Variants in OSBPL9 observed in about 807,000 individuals in gnomAD.
The protein encoded by OSBPL9 is oxysterol binding protein like 9.
Under a neutral mutation model 106.6 loss-of-function variants are expected in OSBPL9, and 40 were observed. The observed-to-expected ratio is 0.38, with a 90% CI of 0.29 to 0.49. The LOEUF is 0.49. OSBPL9 is among the 20% of genes least tolerant of loss of function. The pLI, the probability that OSBPL9 is intolerant of heterozygous loss-of-function variation, is 0.97. For synonymous variants in OSBPL9, 269 were observed against 295.4 expected, an observed-to-expected ratio of 0.91 and a Z score of 0.92; for missense variants, 609 against 887.2, an observed-to-expected ratio of 0.69 and a Z score of 3.98.
chr1:51,786,438 A>G, intron 21 of OSBPL9, 88 bp from the exon 22 acceptor site: 1 of 816,470 alleles, frequency 1.2e-6, no homozygotes, highest in Non-Finnish European at 2.0e-6. Context: ...GACCTAGAGA[A>G]TTTGAAGTGT....
At chr1:51,530,677 A>G in the OSBPL9 span, among the ~76,000 whole-genome samples, 1 of 151,768 alleles carries the variant, frequency 6.6e-6, no homozygotes, top group African/African-American at 2.4e-5. Context: ...AGCCTGGGTG[A>G]CAGACTGAGA....
chr1:51,666,418 T>G (rs1648527223), intron 2 of OSBPL9, among the ~76,000 whole-genome samples: 1 of 152,048 alleles, frequency 6.6e-6, no homozygotes, highest in Non-Finnish European at 1.5e-5. Context: ...CTTGGTGTTT[T>G]TAAAAATTTA....
intron 2 of OSBPL9, among the ~76,000 whole-genome samples, chr1:51,659,942 A>G (rs1192433744): frequency 2.0e-5 from 3 of 152,120 alleles, no homozygotes; most frequent in African/African-American, 7.2e-5. Context: ...AACTGAAACT[A>G]TGGTAATTAA....
chr1:51,551,542 T>C, the OSBPL9 span, among the ~76,000 whole-genome samples: 1 of 152,168 alleles, frequency 6.6e-6, no homozygotes, highest in Admixed American at 6.5e-5. Flanking sequence ...TTTAGAAATA[T>C]CTGGCATCTT....
At chr1:51,636,791 A>AAAATAAAT (rs546021685) in intron 1 of OSBPL9, among the ~76,000 whole-genome samples, 74 of 151,802 alleles carry the variant, frequency 4.9e-4, no homozygotes, top group Middle Eastern at 3.4e-3. Flanking sequence ...CTCTACTTTA[A>AAAATAAAT]AAATAAATAA....
At chr1:51,573,768 T>G (rs1450459139), upstream of OSBPL9, among the ~76,000 whole-genome samples, 1 of 149,154 alleles carries the variant, frequency 6.7e-6, no homozygotes, top group African/African-American at 2.5e-5. Context: ...GAGCCGAGAT[T>G]GCACCATTGC....
chr1:51,658,514 T>C (rs1646951809), intron 2 of OSBPL9, among the ~76,000 whole-genome samples: 1 of 152,222 alleles, frequency 6.6e-6, no homozygotes, highest in Admixed American at 6.5e-5. Flanking sequence ...CTTTGAAAAC[T>C]ATTAATCTAC....
intron 1 of OSBPL9, among the ~76,000 whole-genome samples, chr1:51,644,176 A>AAATG (rs1646000810): frequency 6.6e-6 from 1 of 151,294 alleles, no homozygotes; most frequent in Admixed American, 6.6e-5. Flanking sequence ...AGATGAGGTT[A>AAATG]AATGAAAGGT....
At chr1:51,770,468 G>A (rs774985224) in intron 12 of OSBPL9, among the ~76,000 whole-genome samples, 20 of 151,792 alleles carry the variant, frequency 1.3e-4, no homozygotes, top group Non-Finnish European at 2.5e-4. Context: ...TGTAGAGATG[G>A]GGTCTCACCA....
At position 51,746,055 on chromosome 1, in the gene OSBPL9, G is replaced by A. The variant is rs557659267; in HGVS notation, c.414+424G>A. On this transcript the variant is annotated intron_variant, in intron 5 of 23. Coordinates refer to ENST00000428468, the MANE Select transcript of OSBPL9 (RefSeq NM_024586.6). ...CAGCTCACTGCAACCTCCGCCTCCC[G>A]GGTTCAAGCAATTGTTCTTCTGCCT... Among the ~76,000 whole-genome samples, 4 of 152,188 alleles carry A rather than the reference G, an allele frequency of 2.6e-5. No individual in the cohort carries two copies. In the East Asian group the frequency reaches 5.8e-4, roughly 22 times the overall value.
intron 1 of OSBPL9, among the ~76,000 whole-genome samples, chr1:51,587,139 AC>A (rs1645251325): frequency 6.6e-6 from 1 of 152,090 alleles, no homozygotes; most frequent in African/African-American, 2.4e-5. Context: ...GCCGAGGTGG[AC>A]AGATCAGTTG....
chr1:51,705,021 TC>T, intron 3 of OSBPL9, among the ~76,000 whole-genome samples: 1 of 152,344 alleles, frequency 6.6e-6, no homozygotes, highest in South Asian at 2.1e-4. Flanking sequence ...TATTTAGTTT[TC>T]TTTAGAAGCT....
intron 1 of OSBPL9, among the ~76,000 whole-genome samples, chr1:51,633,639 A>G (rs1278013088): frequency 1.3e-5 from 2 of 151,814 alleles, no homozygotes; most frequent in Admixed American, 1.3e-4. Flanking sequence ...AATAAAATGA[A>G]AACAGGGTCT....
chr1:51,563,160 A>G, the OSBPL9 span, among the ~76,000 whole-genome samples: 1 of 152,188 alleles, frequency 6.6e-6, no homozygotes, highest in Admixed American at 6.5e-5. Flanking sequence ...CAGTAAGCCG[A>G]GATCACGTCA....
the OSBPL9 span, among the ~76,000 whole-genome samples, chr1:51,556,721 G>A: frequency 6.7e-6 from 1 of 149,886 alleles, no homozygotes; most frequent in African/African-American, 2.4e-5. Context: ...GGGAGGCGGA[G>A]GTTGCAGTGA....
intron 1 of OSBPL9, among the ~76,000 whole-genome samples, chr1:51,634,811 G>A (rs1028893809): frequency 6.6e-6 from 1 of 152,212 alleles, no homozygotes; most frequent in African/African-American, 2.4e-5. Context: ...GGCTGGGGTG[G>A]CCTCACAATC....
chr1:51,533,845 C>CTTTTTTTTTTTTTTTTT, the OSBPL9 span, among the ~76,000 whole-genome samples: 8 of 116,332 alleles, frequency 6.9e-5, no homozygotes, highest in African/African-American at 2.6e-4. Flanking sequence ...TTTTTTCTTT[C>CTTTTTTTTTTTTTTTTT]TTTTTTTTTT....
chr1:51,711,001 G>A (rs187180884), intron 3 of OSBPL9, among the ~76,000 whole-genome samples: 240 of 151,650 alleles, frequency 1.6e-3, no homozygotes, highest in Admixed American at 4.4e-3. Context: ...TTTCTCATAC[G>A]CTGTATTGCT....
At chr1:51,672,105 A>G (rs1047202858) in intron 3 of OSBPL9, among the ~76,000 whole-genome samples, 5 of 152,180 alleles carry the variant, frequency 3.3e-5, no homozygotes, top group Admixed American at 1.3e-4. Context: ...CTGAGATAAA[A>G]GGCCATTAGA....
Sources: allele counts gnomAD v4.1 joint callset (sites outside exome capture counted in the v4.1 genomes callset), GRCh38; gene constraint gnomAD v4.1.1; transcripts MANE v1.5; gene names NCBI Gene and HGNC (gene_info 2026-07-23, HGNC 2026-07-21).